The following CHRNE variants were observed in gnomAD, a reference collection of about 807,000 sequenced individuals.
CHRNE encodes the protein acetylcholine receptor subunit epsilon.
A neutral mutation model predicts 56.5 loss-of-function variants in CHRNE; 58 were observed. The observed-to-expected ratio is 1.03, with a 90% CI of 0.83 to 1.28. The LOEUF (loss-of-function observed/expected upper bound fraction) is 1.28, where lower values mean the gene tolerates loss of function less well. Among genes scored for constraint, CHRNE ranks in the 50% most tolerant of loss-of-function variants. The pLI, the probability that CHRNE is intolerant of heterozygous loss-of-function variation, is 0.00. For missense variants in CHRNE, 793 were observed against 688.9 expected (o/e 1.15, Z -1.69); for synonymous variants, 385 against 297.9 (o/e 1.29, Z -3.01).
At chr17:4,903,896 C>T (rs764841114), upstream of CHRNE, among the ~76,000 whole-genome samples, 15 of 152,224 alleles carry the variant, frequency 9.9e-5, no homozygotes, top group Non-Finnish European at 2.1e-4. Flanking sequence ...CTCGCTCTGG[C>T]GCCCAGACTG....
chr17:4,907,346 G>C, upstream of CHRNE, among the ~76,000 whole-genome samples: 1 of 151,744 alleles, frequency 6.6e-6, no homozygotes, highest in South Asian at 2.1e-4. Flanking sequence ...GGCGGATCAC[G>C]AGGTCAGGAG....
chr17:4,907,562 G>A (rs536188733), upstream of CHRNE, among the ~76,000 whole-genome samples: 37 of 59,158 alleles, frequency 6.3e-4, 1 homozygote, highest in African/African-American at 2.7e-3. Context: ...GCAAGACTCA[G>A]TCTCAAAAAA....
rs765641852 is a variant in CHRNE at position 4,903,023 on chromosome 17, A to T, written c.41T>A (p.Leu14His). 5.6e-6 allele frequency: 9 copies of T among 1,613,720 alleles called. No homozygotes were observed. The highest frequency in any genetic ancestry group is 7.6e-6 in the Non-Finnish European group (9 of 1,179,958). The change falls in exon 1 of 12, where the codon CTT becomes CAT. Residue 14 changes from leucine (L) to histidine (H), a missense_variant. Transcript: ENST00000649488. ...CCTCTAGCCCCTGTCCGTACCGAGA[A>T]GCCCCAAGAGGAGCAGGACCCCAAG... Reference protein sequence around the residue: ...APLGVLLLLGLLGRGVGKNEE... With the variant: ...APLGVLLLLGHLGRGVGKNEE...
chr17:4,901,193 G>GCGGGA lies in CHRNE; in HGVS notation c.602-8_602-4dup. ...GTCGATGGCCCACTCGCCGTTCTCT[G>GCGGGA]CGGGACGGGGGCACGGTCAGCTGGC... On this transcript the variant is annotated splice_polypyrimidine_tract_variant and splice_region_variant and intron_variant, in intron 6 of 11. Coordinates refer to ENST00000649488, the MANE Select transcript of CHRNE (RefSeq NM_000080.4). 1 of 1,601,626 alleles carries GCGGGA rather than the reference G, an allele frequency of 6.2e-7. No homozygotes were observed. The highest frequency in any genetic ancestry group is 8.5e-7 in the Non-Finnish European group (1 of 1,178,096).
chr17:4,899,655 A>C (rs1372536125), intron 8 of CHRNE, 73 bp from the exon 9 acceptor site: 50 of 1,452,998 alleles, frequency 3.4e-5, no homozygotes, highest in Non-Finnish European at 4.6e-5. Context: ...CTGACCTCAC[A>C]AACACGGCTT....
At position 4,899,736 on chromosome 17, in the gene CHRNE, T is replaced by G. The variant is rs1257440515; in HGVS notation, c.918-154A>C. ...GACGACAGACGCGTCCCCCAGCCCT[T>G]CTCCTGTCCTACCACTTGTGGCGGC... On this transcript the variant is annotated intron_variant, in intron 8 of 11. Coordinates refer to ENST00000649488, the MANE Select transcript of CHRNE (RefSeq NM_000080.4). 5 of 1,547,878 alleles carry G rather than the reference T, an allele frequency of 3.2e-6. No homozygotes were observed. The South Asian group carries it at 4.8e-5, about 15-fold the overall frequency.
chr17:4,898,634 G>T lies in CHRNE; in HGVS notation c.*102C>A. 1 of 1,444,004 alleles carries T rather than the reference G, an allele frequency of 6.9e-7. No homozygotes were observed. Among genetic ancestry groups the T allele is most frequent in the South Asian group, 1.2e-5 (1 of 81,522 alleles). The allele number at this position is 1,444,004 out of a possible 1,614,324, so 89.4% of individuals were successfully genotyped here. On this transcript the variant is annotated 3_prime_UTR_variant, in exon 12 of 12. Transcript: ENST00000649488. The stretch of plus-strand genomic sequence containing the variant: ...TTGTGAAGTTCACAAACTGCAGATT[G>T]ATCAGCAGGGGGAAGGGATCATAAT...
Position 4,898,605 on chromosome 17 carries a change from A to T in CHRNE, c.*131T>A. The T allele has an allele frequency of 7.8e-7, 1 of 1,282,334 alleles. No individual in the cohort carries two copies. Among genetic ancestry groups the T allele is most frequent in the Non-Finnish European group, 1.1e-6 (1 of 920,278 alleles). 79.4% of individuals were successfully genotyped at this position (1,282,334 alleles called of 1,614,324 possible). A position where few individuals can be genotyped will look rare whatever the true frequency, so the allele number is the denominator to read the frequency against. On this transcript the variant is annotated 3_prime_UTR_variant, in exon 12 of 12. Coordinates refer to ENST00000649488, the MANE Select transcript of CHRNE (RefSeq NM_000080.4). ...ACACGCCAGGGAACGGGCACACACCATTCTTGTGAAGTTCACAAACTGCAG... is the reference window on the plus strand; with the variant it reads ...ACACGCCAGGGAACGGGCACACACCTTTCTTGTGAAGTTCACAAACTGCAG...
rs1309241271 is a variant in CHRNE, at chr17:4,899,598, G to A, written c.918-16C>T. The A allele has an allele frequency of 5.2e-6, 8 of 1,543,958 alleles. No individual in the cohort carries two copies. Among genetic ancestry groups the A allele is most frequent in the Non-Finnish European group, 7.0e-6 (8 of 1,135,844 alleles). On this transcript the variant is annotated splice_polypyrimidine_tract_variant and intron_variant, in intron 8 of 11. Coordinates refer to ENST00000649488, the MANE Select transcript of CHRNE (RefSeq NM_000080.4). ...AATAAGGAACCTGAGGAGCCCGGAA[G>A]GCATGACATCACCGTTCCTCCTCCC...
At chr17:4,903,197 C>T (rs1970042335), upstream of CHRNE, 1 of 879,144 alleles carries the variant, frequency 1.1e-6, no homozygotes, top group African/African-American at 1.7e-5. Flanking sequence ...TCTGCTCACC[C>T]CTGCTGCAGC....
chr17:4,901,569 C>T lies in CHRNE; in HGVS notation c.557G>A (p.Gly186Asp), dbSNP rs1279921545. ...GATGTCGATCTTGTTGATGGTCTTG[C>T]CGTCGTTGTCTACGGCAAAAGTGAA... ...VEFTFAVDND[G>D]KTINKIDIDT... The change falls in exon 6 of 12, where the codon GGC becomes GAC. Residue 186 changes from glycine (G) to aspartate (D), a missense_variant. Transcript: ENST00000649488. 5 of 1,614,168 alleles carry T rather than the reference C, an allele frequency of 3.1e-6. No individual in the cohort carries two copies. In the Admixed American group the frequency reaches 5.0e-5, roughly 16 times the overall value.
rs992228063 is a variant in CHRNE, at chr17:4,900,795, G to A, written c.915C>T (p.Gly305=). The change falls in exon 8 of 12, where the codon GGC becomes GGT. Residue 305 remains glycine, a splice_region_variant and synonymous_variant. Transcript: ENST00000649488. ...CCCCGCGGGGGCTCCGGCTTCACCT[G>A]CCCAGGAGCGGCACGCTCAGAGAAG... is the stretch of plus-strand genomic sequence containing the variant. ...PETSLSVPLL[G]RFLIFVMVVA... 1.9e-6 allele frequency: 3 copies of A among 1,613,212 alleles called. No homozygotes were observed. Among genetic ancestry groups the A allele is most frequent in the Non-Finnish European group, 2.5e-6 (3 of 1,179,584 alleles).
At chr17:4,904,189 G>T (rs999281841), upstream of CHRNE, among the ~76,000 whole-genome samples, 3 of 151,160 alleles carry the variant, frequency 2.0e-5, no homozygotes, top group Non-Finnish European at 4.4e-5. Flanking sequence ...TTCTTTTTTT[G>T]TTTTTTGTTT....
At position 4,898,771 on chromosome 17, in the gene CHRNE, G is replaced by C; in HGVS notation, c.1447C>G (p.Pro483Ala). Residue 483 changes from proline (P) to alanine (A), a missense_variant, in exon 12 of 12, where the codon CCT becomes GCT. By Grantham distance (27) the Pro-to-Ala change is conservative. Transcript: ENST00000649488. Reference protein sequence around the residue: ...IFLGAYFNRVPDLPYAPCIQP With the variant: ...IFLGAYFNRVADLPYAPCIQP ...ATACACGGCGCGTAGGGGAGATCAG[G>C]CACTCGGTTGAAGTAGGCCCCGAGG... The C allele has an allele frequency of 6.2e-7, 1 of 1,610,600 alleles. No individual in the cohort carries two copies. The highest frequency in any genetic ancestry group is 8.5e-7 in the Non-Finnish European group (1 of 1,178,838).
At chr17:4,901,216 G>A (rs745376445) in intron 6 of CHRNE, 26 bp from the exon 7 acceptor site, 1 of 1,594,790 alleles carries the variant, frequency 6.3e-7, no homozygotes. Context: ...ACGGTCAGCT[G>A]GCTGTCAGAG....
rs1390011934 is a variant in CHRNE at position 4,901,917 on chromosome 17, A to G, written c.500+15T>C. On this transcript the variant is annotated intron_variant, in intron 5 of 11. Transcript: ENST00000649488. ...CCAACAATAATCGTCCGGGCCTCGGAGTAGCTCTTCCCACCGGAAAATAAG... is the reference window on the plus strand; with the variant it reads ...CCAACAATAATCGTCCGGGCCTCGGGGTAGCTCTTCCCACCGGAAAATAAG... 6 of 1,085,714 alleles carry G rather than the reference A, an allele frequency of 5.5e-6. No homozygotes were observed. Among genetic ancestry groups the G allele is most frequent in the Non-Finnish European group, 7.9e-6 (6 of 762,192 alleles). 67.3% of individuals were successfully genotyped at this position (1,085,714 alleles called of 1,614,324 possible).
chr17:4,903,841 T>G (rs532067891), upstream of CHRNE, among the ~76,000 whole-genome samples: 18 of 152,068 alleles, frequency 1.2e-4, no homozygotes, highest in African/African-American at 3.9e-4. Context: ...CCTTAATAGA[T>G]CCTTTTGATG....
upstream of CHRNE, among the ~76,000 whole-genome samples, chr17:4,906,717 A>G (rs1970096649): frequency 6.6e-6 from 1 of 152,124 alleles, no homozygotes; most frequent in Non-Finnish European, 1.5e-5. Flanking sequence ...TAAAAAACAG[A>G]TGAATGGTGA....
chr17:4,901,472 C>A (rs1194698210), intron 6 of CHRNE, 53 bp downstream of exon 6: 1 of 1,548,206 alleles, frequency 6.5e-7, no homozygotes, highest in African/African-American at 1.4e-5. Flanking sequence ...GTGGAAGTCC[C>A]CTCTCTGGAC....
Sources: allele counts gnomAD v4.1 joint callset (sites outside exome capture counted in the v4.1 genomes callset), GRCh38; gene constraint gnomAD v4.1.1; transcripts MANE v1.5; gene names NCBI Gene and HGNC (gene_info 2026-07-23, HGNC 2026-07-21).